Variants in GPC6 observed in about 807,000 individuals in gnomAD.
GPC6 encodes glypican-6.
Under a neutral mutation model 55.2 loss-of-function variants are expected in GPC6, and 14 were observed. The ratio of observed to expected loss-of-function variants is 0.25; its 90% CI spans 0.17 to 0.40. GPC6 has a LOEUF of 0.40. Among genes scored for constraint, GPC6 ranks in the 10% least tolerant of loss-of-function variants. The probability of loss-of-function intolerance (pLI) is 1.00; values close to 1 mark genes in which losing one functional copy is unlikely to be tolerated. For synonymous variants in GPC6, 278 were observed against 259.6 expected (o/e 1.07, Z -0.68); for missense variants, 641 against 708.5 (o/e 0.90, Z 1.08).
chr13:93,970,265 G>A (rs1375152858), intron 3 of GPC6, among the ~76,000 whole-genome samples: 1 of 152,086 alleles, frequency 6.6e-6, no homozygotes, highest in Non-Finnish European at 1.5e-5. Context: ...AAAATTTGGG[G>A]TGCCATAAAT....
chr13:93,309,363 C>G (rs776948754), intron 1 of GPC6, among the ~76,000 whole-genome samples: 1 of 151,844 alleles, frequency 6.6e-6, no homozygotes, highest in Non-Finnish European at 1.5e-5. Context: ...CATGATGTTG[C>G]TATTTTTTTG....
rs918924243 is a variant in GPC6 at position 93,503,847 on chromosome 13, G to A, written c.161-41416G>A. Among the ~76,000 whole-genome samples the A allele has an allele frequency of 2.0e-5, 3 of 152,134 alleles. No homozygotes were observed. In the South Asian group the frequency reaches 6.2e-4, roughly 31 times the overall value. On this transcript the variant is annotated intron_variant, in intron 1 of 8. Coordinates refer to ENST00000377047, the MANE Select transcript of GPC6 (RefSeq NM_005708.5). Reference sequence around the variant, plus strand: ...ATAGAACCAGTTACAGAGAGGTTGTGACATTTTTGGTGGATGACATTGACA... The same window carrying A: ...ATAGAACCAGTTACAGAGAGGTTGTAACATTTTTGGTGGATGACATTGACA...
chr13:93,405,092 G>A (rs919435459), intron 1 of GPC6, among the ~76,000 whole-genome samples: 5 of 152,066 alleles, frequency 3.3e-5, no homozygotes, highest in Admixed American at 6.6e-5. Context: ...AATTCCTAGG[G>A]AAACTGGTTT....
intron 1 of GPC6, among the ~76,000 whole-genome samples, chr13:93,352,851 C>CT (rs1258778173): frequency 6.6e-6 from 1 of 152,018 alleles, no homozygotes; most frequent in African/African-American, 2.4e-5. Context: ...GATGAGTAGA[C>CT]TTGGTGAGGA....
At chr13:93,329,780 C>G (rs1430089624) in intron 1 of GPC6, among the ~76,000 whole-genome samples, 1 of 152,000 alleles carries the variant, frequency 6.6e-6, no homozygotes, top group Non-Finnish European at 1.5e-5. Context: ...ACATCATGGT[C>G]TGTTTTTTTC....
intron 3 of GPC6, among the ~76,000 whole-genome samples, chr13:93,927,939 A>C (rs751857593): frequency 9.2e-5 from 14 of 152,062 alleles, no homozygotes; most frequent in Non-Finnish European, 1.6e-4. Flanking sequence ...GTCACAATCC[A>C]GGTGTGTCAT....
the GPC6 span, among the ~76,000 whole-genome samples, chr13:93,218,577 A>T: frequency 1.7e-4 from 26 of 152,212 alleles, no homozygotes; most frequent in African/African-American, 5.5e-4. Context: ...ACTTTCCTCA[A>T]TGTGGAAGAT....
intron 4 of GPC6, among the ~76,000 whole-genome samples, chr13:94,169,395 G>A (rs527805630): frequency 2.0e-5 from 3 of 152,218 alleles, no homozygotes; most frequent in Admixed American, 2.0e-4. Flanking sequence ...CACTCTGAAA[G>A]TACAGTAATC....
At chr13:94,252,454 A>G (rs1367158889) in intron 4 of GPC6, among the ~76,000 whole-genome samples, 1 of 152,038 alleles carries the variant, frequency 6.6e-6, no homozygotes, top group Non-Finnish European at 1.5e-5. Flanking sequence ...GGGGATTTTT[A>G]TTATGTGCCC....
At chr13:93,844,386 C>G (rs2892669) in intron 3 of GPC6, among the ~76,000 whole-genome samples, 35,801 of 152,098 alleles carry the variant, frequency 0.24, 4,749 homozygotes, top group East Asian at 0.34. Flanking sequence ...GTCCGCCCAC[C>G]TCAGCCTCCC....
chr13:93,776,504 T>C (rs1198656933), intron 2 of GPC6, among the ~76,000 whole-genome samples: 2 of 152,108 alleles, frequency 1.3e-5, no homozygotes, highest in East Asian at 3.9e-4. Flanking sequence ...GCATCTTCTT[T>C]TGAAACCCAG....
In GPC6 at chr13:93,321,002, A is replaced by C. The variant is rs146151954; in HGVS notation, c.160+93386A>C. 3.8e-4 allele frequency among the ~76,000 whole-genome samples: 58 copies of C among 152,288 alleles called. No individual in the cohort carries two copies. In the East Asian group the frequency reaches 0.011, roughly 28 times the overall value. ...GCTTATAAATGAAAAGGTTCACTTT[A>C]AATTTTTTTCTGCAGTATGCTTGAT... On this transcript the variant is annotated intron_variant, in intron 1 of 8. Coordinates refer to ENST00000377047, the MANE Select transcript of GPC6 (RefSeq NM_005708.5).
intron 3 of GPC6, among the ~76,000 whole-genome samples, chr13:93,882,065 C>A (rs1379637487): frequency 4.0e-5 from 6 of 151,614 alleles, no homozygotes; most frequent in Non-Finnish European, 8.8e-5. Flanking sequence ...TCCCTCCTTT[C>A]TTTTCTTTTC....
At chr13:94,097,506 C>CAAAAAAAAAA (rs869307863) in intron 4 of GPC6, among the ~76,000 whole-genome samples, 1 of 70,254 alleles carries the variant, frequency 1.4e-5, no homozygotes, top group African/African-American at 6.1e-5. Flanking sequence ...GACTCTGTCT[C>CAAAAAAAAAA]AAAAAAAAAA....
At chr13:94,343,218 G>A (rs1209440976) in intron 6 of GPC6, among the ~76,000 whole-genome samples, 1 of 152,130 alleles carries the variant, frequency 6.6e-6, no homozygotes, top group Non-Finnish European at 1.5e-5. Context: ...TACTCATAAG[G>A]ATTTACGGTA....
intron 3 of GPC6, among the ~76,000 whole-genome samples, chr13:93,954,114 C>T (rs1223983988): frequency 6.6e-6 from 1 of 152,152 alleles, no homozygotes; most frequent in African/African-American, 2.4e-5. Flanking sequence ...TGTCTCTAAG[C>T]ATGACCTATT....
intron 1 of GPC6, among the ~76,000 whole-genome samples, chr13:93,394,794 T>TTTTA (rs35986845): frequency 0.2 from 30,207 of 151,052 alleles, 3,048 homozygotes; most frequent in South Asian, 0.23. Flanking sequence ...TATTAGGTAA[T>TTTTA]TTTATTTATT....
chr13:93,631,314 T>C (rs8000462), intron 2 of GPC6, among the ~76,000 whole-genome samples: 220 of 152,220 alleles, frequency 1.4e-3, no homozygotes, highest in African/African-American at 5.2e-3. Context: ...TCTACCCCAG[T>C]GCACACTCCT....
chr13:93,935,358 A>G (rs1196222289), intron 3 of GPC6, among the ~76,000 whole-genome samples: 2 of 152,136 alleles, frequency 1.3e-5, no homozygotes, highest in African/African-American at 4.8e-5. Context: ...GAGAACATGA[A>G]ATATTTGATT....
Sources: gnomAD v4.1 joint callset for allele counts (sites outside exome capture counted in the v4.1 genomes callset) on GRCh38, gnomAD v4.1.1 for gene constraint, MANE v1.5 for transcripts, NCBI Gene and HGNC (gene_info 2026-07-23, HGNC 2026-07-21) for gene names.